FOLH1: variants seen among roughly 807,000 people sequenced by gnomAD.
FOLH1 encodes folate hydrolase 1, also known as glutamate carboxypeptidase 2.
Under a neutral mutation model 93.9 loss-of-function variants are expected in FOLH1, and 54 were observed. That is an observed-to-expected ratio of 0.57 (90% CI 0.46 to 0.72). The LOEUF is 0.72. Ranked by LOEUF, FOLH1 falls within the 30% of genes least tolerant of loss-of-function variation. FOLH1 has a pLI of 0.00. For missense variants in FOLH1, 571 were observed against 892.5 expected (o/e 0.64, Z 4.59); for synonymous variants, 249 against 303.6 (o/e 0.82, Z 1.87).
Position 49,145,142 on chromosome 11 carries a change from G to A in FOLH1, c.*1614C>T, listed in dbSNP as rs766678243. 2.6e-5 allele frequency among the ~76,000 whole-genome samples: 4 copies of A among 152,094 alleles called. No homozygotes were observed. The highest frequency in any genetic ancestry group is 5.9e-5 in the Non-Finnish European group (4 of 68,008). ...TATTATTCACCAGTTATCCAAATTT[G>A]GGTTATCCACTCCAAACTCCCACTT... is the stretch of plus-strand genomic sequence containing the variant. On this transcript the variant is annotated 3_prime_UTR_variant, in exon 19 of 19. Coordinates refer to ENST00000256999, the MANE Select transcript of FOLH1 (RefSeq NM_004476.3).
rs1856747407 is a variant in FOLH1 at position 49,154,038 on chromosome 11, C to G, written c.1889-111G>C. The G allele has an allele frequency of 2.3e-6, 3 of 1,314,064 alleles. No individual in the cohort carries two copies. In the South Asian group the frequency reaches 4.7e-5, roughly 20 times the overall value. 81.4% of individuals were successfully genotyped at this position (1,314,064 alleles called of 1,614,324 possible). On this transcript the variant is annotated intron_variant, in intron 16 of 18. Transcript: ENST00000256999. Reference sequence around the variant, plus strand: ...AGAAGCCATCATCTTTTGTGTTTTACAAGGTATTTATATTTTTATATTATA... The same window carrying G: ...AGAAGCCATCATCTTTTGTGTTTTAGAAGGTATTTATATTTTTATATTATA...
At chr11:49,156,249 A>G (rs912785683) in intron 15 of FOLH1, among the ~76,000 whole-genome samples, 5 of 152,000 alleles carry the variant, frequency 3.3e-5, no homozygotes, top group Non-Finnish European at 7.4e-5. Context: ...ACAGACTAAT[A>G]TATATATCAT....
At chr11:49,153,493 G>A (rs1403151692) in intron 17 of FOLH1, among the ~76,000 whole-genome samples, 1 of 151,944 alleles carries the variant, frequency 6.6e-6, no homozygotes, top group African/African-American at 2.4e-5. Flanking sequence ...GACCTTCAAT[G>A]TTAAGCAGAG....
Position 49,160,741 on chromosome 11 carries a change from C to A in FOLH1, c.1441-2698G>T, listed in dbSNP as rs578226433. 7.9e-5 allele frequency among the ~76,000 whole-genome samples: 12 copies of A among 152,216 alleles called. No homozygotes were observed. The South Asian group carries it at 2.5e-3, about 32-fold the overall frequency. ...ACAGGTGTGAGCCACCACACCTGGCCAGATATTTCTAACTTTTAATGTGGG... is the reference window on the plus strand; with the variant it reads ...ACAGGTGTGAGCCACCACACCTGGCAAGATATTTCTAACTTTTAATGTGGG... On this transcript the variant is annotated intron_variant, in intron 13 of 18. Coordinates refer to ENST00000256999, the MANE Select transcript of FOLH1 (RefSeq NM_004476.3).
At chr11:49,200,132 A>G in intron 3 of FOLH1, 123 bp downstream of exon 3, 1 of 988,058 alleles carries the variant, frequency 1.0e-6, no homozygotes, top group Non-Finnish European at 1.4e-6. Context: ...AGGTATTCAC[A>G]AGATCCAATA....
At chr11:49,154,201 G>A in intron 16 of FOLH1, 27 bp downstream of exon 16, 1 of 1,610,508 alleles carries the variant, frequency 6.2e-7, no homozygotes. Context: ...TACAGATGAG[G>A]AATTTGAAAA....
Position 49,164,788 on chromosome 11 carries a change from A to C in FOLH1, c.1373-16T>G. ...GTGTAGTTTCCTGAAAAATAAGAAA[A>C]GAATAGATTTTAAAATTTAATTTCT... is the stretch of plus-strand genomic sequence containing the variant. On this transcript the variant is annotated splice_polypyrimidine_tract_variant and intron_variant, in intron 12 of 18. Transcript: ENST00000256999. 6.4e-7 allele frequency: 1 copy of C among 1,562,206 alleles called. No homozygotes were observed. The highest frequency in any genetic ancestry group is 1.2e-5 in the South Asian group (1 of 86,032).
chr11:49,185,677 G>C lies in FOLH1; in HGVS notation c.818C>G (p.Pro273Arg). ...AAGGATTGATCATTCACCATTTGCTGGGTAACCTGGTGTGAGAGGGTCTCC... is the reference window on the plus strand; with the variant it reads ...AAGGATTGATCATTCACCATTTGCTCGGTAACCTGGTGTGAGAGGGTCTCC... Reference protein sequence around the residue: ...GAGDPLTPGYPANEYAYRRGI... With the variant: ...GAGDPLTPGYRANEYAYRRGI... The change falls in exon 6 of 19, where the codon CCA becomes CGA. Residue 273 changes from proline (P) to arginine (R), a missense_variant. Transcript: ENST00000256999. 6.2e-7 allele frequency: 1 copy of C among 1,613,628 alleles called. No individual in the cohort carries two copies. The highest frequency in any genetic ancestry group is 8.5e-7 in the Non-Finnish European group (1 of 1,179,726).
chr11:49,148,166 G>A (rs1010337909), intron 18 of FOLH1, among the ~76,000 whole-genome samples: 2 of 151,006 alleles, frequency 1.3e-5, no homozygotes, highest in African/African-American at 4.9e-5. Flanking sequence ...GGATTTAGGA[G>A]GAAATAAAAT....
intron 2 of FOLH1, among the ~76,000 whole-genome samples, chr11:49,204,707 CA>C (rs1195308567): frequency 6.6e-6 from 1 of 152,040 alleles, no homozygotes; most frequent in Non-Finnish European, 1.5e-5. Context: ...GTAATTAATA[CA>C]AACATATATA....
At chr11:49,180,813 T>C (rs1411561158) in intron 7 of FOLH1, among the ~76,000 whole-genome samples, 1 of 152,238 alleles carries the variant, frequency 6.6e-6, no homozygotes, top group Non-Finnish European at 1.5e-5. Context: ...AAATAGTGTC[T>C]ATTTTTAATT....
At chr11:49,204,100 T>C (rs559892842) in intron 2 of FOLH1, among the ~76,000 whole-genome samples, 2 of 152,220 alleles carry the variant, frequency 1.3e-5, no homozygotes, top group African/African-American at 2.4e-5. Flanking sequence ...CCTAAACACA[T>C]TGCGGGTGCT....
chr11:49,206,371 A>G, intron 1 of FOLH1, 199 bp from the exon 2 acceptor site: 1 of 919,860 alleles, frequency 1.1e-6, no homozygotes, highest in Non-Finnish European at 1.7e-6. Flanking sequence ...TAAGTTGCAA[A>G]CCAATTGCAA....
chr11:49,185,823 T>G lies in FOLH1; in HGVS notation c.672A>C (p.Gly224=). ...VKNAQLAGAK[G]VILYSDPADY... ...CAGCAGGGTCGGAGTAGAGAATGAC[T>G]CCTTTGGCCCCTGCCAGCTGGGCAT... The change falls in exon 6 of 19, where the codon GGA becomes GGC. Residue 224 remains glycine (G), a synonymous_variant. Transcript: ENST00000256999. 6.4e-7 allele frequency: 1 copy of G among 1,570,210 alleles called. No individual in the cohort carries two copies. The highest frequency in any genetic ancestry group is 1.2e-5 in the South Asian group (1 of 84,310).
chr11:49,206,408 A>G (rs1863963844), intron 1 of FOLH1: 1 of 749,912 alleles, frequency 1.3e-6, no homozygotes, highest in African/African-American at 1.7e-5. Context: ...CTTCAATGAT[A>G]GGTATTGCTG....
At chr11:49,147,337 G>A (rs1024383170) in intron 18 of FOLH1, among the ~76,000 whole-genome samples, 1 of 151,984 alleles carries the variant, frequency 6.6e-6, no homozygotes, top group Non-Finnish European at 1.5e-5. Context: ...TTGTCTCAAG[G>A]CACACGACAA....
At position 49,145,922 on chromosome 11, in the gene FOLH1, T is replaced by A. The variant is rs1417099938; in HGVS notation, c.*834A>T. Among the ~76,000 whole-genome samples the A allele has an allele frequency of 6.6e-6, 1 of 152,168 alleles. No homozygotes were observed. Among genetic ancestry groups the A allele is most frequent in the Non-Finnish European group, 1.5e-5 (1 of 68,036 alleles). On this transcript the variant is annotated 3_prime_UTR_variant, in exon 19 of 19. Transcript: ENST00000256999. ...AACTACAGCCACAGTGATAATATAT[T>A]TGAACCCTTAAAAGTCAATGAAAAA... is the stretch of plus-strand genomic sequence containing the variant.
chr11:49,150,803 C>A (rs1292483180), intron 17 of FOLH1, among the ~76,000 whole-genome samples: 1 of 152,078 alleles, frequency 6.6e-6, no homozygotes, highest in Non-Finnish European at 1.5e-5. Flanking sequence ...ATTTAATATA[C>A]CAATTATTTC....
chr11:49,190,982 C>T (rs560458064), intron 4 of FOLH1, among the ~76,000 whole-genome samples: 1 of 152,240 alleles, frequency 6.6e-6, no homozygotes, highest in East Asian at 1.9e-4. Flanking sequence ...AATTGAAGAA[C>T]CCTGAAATGT....
Sources: gnomAD v4.1 joint callset for allele counts (sites outside exome capture counted in the v4.1 genomes callset) on GRCh38, gnomAD v4.1.1 for gene constraint, MANE v1.5 for transcripts, NCBI Gene and HGNC (gene_info 2026-07-23, HGNC 2026-07-21) for gene names.